CCDC117: variants seen among roughly 807,000 people sequenced by gnomAD.
CCDC117 encodes the protein coiled-coil domain-containing protein 117.
In CCDC117, 1 loss-of-function variant was observed where a neutral mutation model predicts 23.5. The ratio of observed to expected loss-of-function variants is 0.04; its 90% CI spans 0.02 to 0.20. The LOEUF is 0.20. Among genes scored for constraint, CCDC117 ranks in the 10% least tolerant of loss-of-function variants. The probability of loss-of-function intolerance (pLI) is 1.00; values close to 1 mark genes in which losing one functional copy is unlikely to be tolerated. For missense variants in CCDC117, 383 were observed against 348.2 expected, an observed-to-expected ratio of 1.10 and a Z score of -0.80; for synonymous variants, 132 against 124.8, an observed-to-expected ratio of 1.06 and a Z score of -0.39.
At chr22:28,782,145 C>T (rs1429586380) in intron 3 of CCDC117, among the ~76,000 whole-genome samples, 3 of 150,480 alleles carry the variant, frequency 2.0e-5, no homozygotes, top group South Asian at 4.2e-4. Flanking sequence ...GCCATGTTGC[C>T]CAAGCTGGTC....
In CCDC117 at chr22:28,786,224, C is replaced by A; in HGVS notation, c.738C>A (p.Phe246Leu). Reference sequence around the variant, plus strand: ...AGCATGTAGCTGCTGGCACTGCCTTCCCTCAGAGAACTGAACTGTTTTCGG... The same window carrying A: ...AGCATGTAGCTGCTGGCACTGCCTTACCTCAGAGAACTGAACTGTTTTCGG... Reference protein sequence around the residue: ...QAKHVAAGTAFPQRTELFSEP... With the variant: ...QAKHVAAGTALPQRTELFSEP... Residue 246 changes from phenylalanine to leucine, a missense_variant, in exon 5 of 5, where the codon TTC (phenylalanine) becomes TTA (leucine). Transcript: ENST00000249064. The A allele has an allele frequency of 1.2e-6, 2 of 1,614,140 alleles. No individual in the cohort carries two copies. The highest frequency in any genetic ancestry group is 1.7e-6 in the Non-Finnish European group (2 of 1,180,018).
intron 1 of CCDC117, chr22:28,773,460 C>G (rs2031060450): frequency 2.0e-6 from 1 of 510,148 alleles, no homozygotes; most frequent in South Asian, 2.9e-5. Context: ...ACAGCGCCTG[C>G]CCCGAGGACG....
chr22:28,782,109 C>T (rs1019117726), intron 3 of CCDC117, among the ~76,000 whole-genome samples: 5 of 151,446 alleles, frequency 3.3e-5, no homozygotes, highest in African/African-American at 7.3e-5. Flanking sequence ...GGCTAATCTT[C>T]GTATCTTTTG....
intron 2 of CCDC117, among the ~76,000 whole-genome samples, chr22:28,774,775 G>A (rs958421682): frequency 1.1e-4 from 17 of 151,878 alleles, no homozygotes; most frequent in Non-Finnish European, 2.2e-4. Flanking sequence ...GTTCACAAGT[G>A]TTTTTCTTTT....
Position 28,787,175 on chromosome 22 carries a change from A to G in CCDC117, c.*849A>G, listed in dbSNP as rs2031539230. On this transcript the variant is annotated 3_prime_UTR_variant, in exon 5 of 5. Coordinates refer to ENST00000249064, the MANE Select transcript of CCDC117 (RefSeq NM_173510.4). ...GATAACTTTGGTAATTTTTTTAAAA[A>G]GTTATACTTGTATTAGCAAGTTTTT... 6.6e-6 allele frequency: 1 copy of G among 152,350 alleles called. No individual in the cohort carries two copies. The highest frequency in any genetic ancestry group is 2.4e-5 in the African/African-American group (1 of 41,346). 9.4% of individuals were successfully genotyped at this position (152,350 alleles called of 1,614,324 possible).
chr22:28,780,578 G>A (rs2031287864), intron 2 of CCDC117, among the ~76,000 whole-genome samples: 1 of 152,106 alleles, frequency 6.6e-6, no homozygotes, highest in African/African-American at 2.4e-5. Context: ...TCCCACCTCA[G>A]CCATTCCAAG....
rs2031323157 is a variant in CCDC117 at position 28,781,345 on chromosome 22, T to TTTTG, written c.464+176_464+177insGTTT. Among the ~76,000 whole-genome samples the TTTTG allele has an allele frequency of 4.6e-4, 4 of 8,704 alleles. 2 individuals are homozygous for TTTTG. The highest frequency in any genetic ancestry group is 0.036 in the East Asian group (2 of 56). The allele number at this position is 8,704 out of a possible 152,430, so 5.7% of individuals were successfully genotyped here. On this transcript the variant is annotated intron_variant, in intron 3 of 4. Coordinates refer to ENST00000249064, the MANE Select transcript of CCDC117 (RefSeq NM_173510.4). ...TTGTTTTTTTGTTTTGTTTTTTTTT[T>TTTTG]TTTTTTTTTTTTTTTTTTTTTTTGA...
chr22:28,780,714 T>C lies in CCDC117; in HGVS notation c.240-234T>C, dbSNP rs141245100. 5.3e-3 allele frequency among the ~76,000 whole-genome samples: 814 copies of C among 152,310 alleles called. 4 individuals are homozygous for C. The highest frequency in any genetic ancestry group is 6.5e-3 in the Non-Finnish European group (445 of 68,034). ...GGTCCCACATTGAACACTTACTGTC[T>C]GAACAGGCAGAATCTTACAGGTGCA... On this transcript the variant is annotated intron_variant, in intron 2 of 4. Transcript: ENST00000249064.
At chr22:28,773,427 A>G (rs2031058711) in intron 1 of CCDC117, 1 of 374,580 alleles carries the variant, frequency 2.7e-6, no homozygotes, top group Non-Finnish European at 4.9e-6. Flanking sequence ...TCTTAGTGAG[A>G]TTATTTAAAT....
chr22:28,785,296 C>T (rs571492204), intron 4 of CCDC117, among the ~76,000 whole-genome samples: 2 of 151,396 alleles, frequency 1.3e-5, no homozygotes, highest in South Asian at 2.1e-4. Flanking sequence ...TCAGGTGATA[C>T]TCCCACCTCA....
In CCDC117 at chr22:28,777,521, T is replaced by C. The variant is rs1206183856; in HGVS notation, c.240-3427T>C. ...ACATCTTTTCTTTTTTTTTTTCTTT[T>C]TTTTTTTGAGATGGACTCTTGCTCT... On this transcript the variant is annotated intron_variant, in intron 2 of 4. Transcript: ENST00000249064. 2.0e-5 allele frequency among the ~76,000 whole-genome samples: 3 copies of C among 151,706 alleles called. No individual in the cohort carries two copies. The East Asian group carries it at 5.8e-4, about 29-fold the overall frequency.
intron 4 of CCDC117, among the ~76,000 whole-genome samples, chr22:28,784,170 C>G (rs898959409): frequency 6.6e-6 from 1 of 152,206 alleles, no homozygotes. Context: ...GCTCAGTTAT[C>G]TGGTTTCCTA....
At chr22:28,773,806 C>G (rs1413920413) in intron 2 of CCDC117, 28 bp downstream of exon 2, 4 of 1,580,104 alleles carry the variant, frequency 2.5e-6, no homozygotes, top group Admixed American at 1.7e-5. Context: ...TTTATTCACT[C>G]TGTGGTCACC....
intron 2 of CCDC117, among the ~76,000 whole-genome samples, chr22:28,774,711 C>T (rs2031112773): frequency 6.6e-6 from 1 of 152,118 alleles, no homozygotes; most frequent in Non-Finnish European, 1.5e-5. Flanking sequence ...CCAGAGACAA[C>T]CCCCTTACCT....
In CCDC117 at chr22:28,787,289, A is replaced by T. The variant is rs1227967207; in HGVS notation, c.*963A>T. The T allele has an allele frequency of 6.7e-6, 1 of 150,156 alleles. No homozygotes were observed. Among genetic ancestry groups the T allele is most frequent in the Non-Finnish European group, 1.5e-5 (1 of 67,652 alleles). The allele number at this position is 150,156 out of a possible 1,614,324, so 9.3% of individuals were successfully genotyped here. ...CAAGTAGCTGGGATTACAGGTGCCCACCTCCACGCCCAGCTAATTTTTGTA... is the reference window on the plus strand; with the variant it reads ...CAAGTAGCTGGGATTACAGGTGCCCTCCTCCACGCCCAGCTAATTTTTGTA... On this transcript the variant is annotated 3_prime_UTR_variant, in exon 5 of 5. Coordinates refer to ENST00000249064, the MANE Select transcript of CCDC117 (RefSeq NM_173510.4).
rs773258300 is a variant in CCDC117, at chr22:28,783,522, A to T, written c.479A>T (p.Asp160Val). 7.4e-6 allele frequency: 12 copies of T among 1,613,448 alleles called. No homozygotes were observed. Among genetic ancestry groups the T allele is most frequent in the Non-Finnish European group, 1.0e-5 (12 of 1,179,778 alleles). Residue 160 changes from aspartate to valine, a missense_variant, in exon 4 of 5, where the codon GAT (aspartate) becomes GTT (valine). Physicochemically the swap from Asp to Val is radical, Grantham distance 152. Coordinates refer to ENST00000249064, the MANE Select transcript of CCDC117 (RefSeq NM_173510.4). ...AATTGATTTAGGATAATTGATGAAG[A>T]TGAAGAAGTTGAAGCTGACAGAAAT... ...QEIEDRIIDE[D>V]EEVEADRNVN...
chr22:28,778,711 G>A (rs1206734562), intron 2 of CCDC117, among the ~76,000 whole-genome samples: 3 of 152,154 alleles, frequency 2.0e-5, no homozygotes, highest in Non-Finnish European at 4.4e-5. Flanking sequence ...AGAAACTATC[G>A]GCTTAAAAAG....
At position 28,786,784 on chromosome 22, in the gene CCDC117, GAGA is replaced by G. The variant is rs1446772287; in HGVS notation, c.*464_*466del. 2 of 155,586 alleles carry G rather than the reference GAGA, an allele frequency of 1.3e-5. No individual in the cohort carries two copies. Among genetic ancestry groups the G allele is most frequent in the African/African-American group, 4.8e-5 (2 of 41,454 alleles). 9.6% of individuals were successfully genotyped at this position (155,586 alleles called of 1,614,324 possible). ...ACAGTGGTGACTATATATAATTGGG[GAGA>G]AGAAGGGAAGAGAGCAGCAGTAGCT... On this transcript the variant is annotated 3_prime_UTR_variant, in exon 5 of 5. Coordinates refer to ENST00000249064, the MANE Select transcript of CCDC117 (RefSeq NM_173510.4).
At chr22:28,774,425 C>T (rs147122841) in intron 2 of CCDC117, among the ~76,000 whole-genome samples, 52 of 146,288 alleles carry the variant, frequency 3.6e-4, no homozygotes, top group East Asian at 1.0e-3. Context: ...AGCTGGAGTG[C>T]AGTTGTGTGA....
Sources: allele counts gnomAD v4.1 joint callset (sites outside exome capture counted in the v4.1 genomes callset), GRCh38; gene constraint gnomAD v4.1.1; transcripts MANE v1.5; gene names NCBI Gene and HGNC (gene_info 2026-07-23, HGNC 2026-07-21).